THEM4: variants seen among roughly 807,000 people sequenced by gnomAD.
THEM4 encodes thioesterase superfamily member 4.
Under a neutral mutation model 25.0 loss-of-function variants are expected in THEM4, and 22 were observed. The ratio of observed to expected loss-of-function variants is 0.88; its 90% confidence interval spans 0.63 to 1.26. THEM4 has a LOEUF of 1.26. THEM4 is among the 50% of genes most tolerant of loss of function. The pLI, the probability that THEM4 is intolerant of heterozygous loss-of-function variation, is 0.00. For synonymous variants in THEM4, 113 were observed against 105.6 expected (o/e 1.07, Z -0.43); for missense variants, 286 against 300.3 (o/e 0.95, Z 0.35).
At position 151,874,695 on chromosome 1, in the gene THEM4, G is replaced by T; in HGVS notation, c.*193C>A. The T allele has an allele frequency of 1.5e-6, 1 of 656,646 alleles. No individual in the cohort carries two copies. Among genetic ancestry groups the T allele is most frequent in the Non-Finnish European group, 2.7e-6 (1 of 367,578 alleles). 40.7% of individuals were successfully genotyped at this position (656,646 alleles called of 1,614,324 possible). ...TGGCCCGAGAGTTGTCGATATGCTC[G>T]CAGGAAGTATTTCTGTGTTAAAAAG... On this transcript the variant is annotated 3_prime_UTR_variant, in exon 6 of 6. Transcript: ENST00000368814.
At chr1:151,877,427 G>A (rs761440142) in intron 4 of THEM4, among the ~76,000 whole-genome samples, 5 of 152,176 alleles carry the variant, frequency 3.3e-5, no homozygotes, top group Non-Finnish European at 7.3e-5. Flanking sequence ...TATCCCATCT[G>A]GAGATCCACT....
At chr1:151,878,272 T>C (rs1312365229) in intron 4 of THEM4, among the ~76,000 whole-genome samples, 2 of 152,200 alleles carry the variant, frequency 1.3e-5, no homozygotes, top group African/African-American at 4.8e-5. Flanking sequence ...TGACTGGCAT[T>C]GAATAATGAT....
chr1:151,902,521 A>G (rs770971057), intron 1 of THEM4, among the ~76,000 whole-genome samples: 2 of 152,216 alleles, frequency 1.3e-5, no homozygotes, highest in African/African-American at 2.4e-5. Context: ...GGGATAAGGG[A>G]TAAAAGACTA....
chr1:151,893,702 T>C (rs1176762845), intron 2 of THEM4, among the ~76,000 whole-genome samples: 1 of 151,820 alleles, frequency 6.6e-6, no homozygotes, highest in African/African-American at 2.4e-5. Context: ...CTTAGTGAGA[T>C]AGGAAGCGAG....
chr1:151,895,522 GCA>G (rs1654203795), intron 1 of THEM4, among the ~76,000 whole-genome samples: 1 of 152,248 alleles, frequency 6.6e-6, no homozygotes, highest in East Asian at 1.9e-4. Context: ...TTAAGAACAG[GCA>G]TTATCTTCCA....
At chr1:151,881,440 C>T (rs1378897519) in intron 4 of THEM4, among the ~76,000 whole-genome samples, 2 of 152,192 alleles carry the variant, frequency 1.3e-5, no homozygotes, top group African/African-American at 2.4e-5. Flanking sequence ...CATCCTCCCA[C>T]CTGTTGGGAT....
At chr1:151,902,587 T>G (rs1477090725) in intron 1 of THEM4, among the ~76,000 whole-genome samples, 5 of 152,054 alleles carry the variant, frequency 3.3e-5, no homozygotes, top group African/African-American at 1.2e-4. Context: ...ATCTCACAAA[T>G]CACTAGTGTA....
intron 2 of THEM4, among the ~76,000 whole-genome samples, chr1:151,893,438 G>C (rs918138374): frequency 6.6e-6 from 1 of 151,278 alleles, no homozygotes; most frequent in African/African-American, 2.4e-5. Flanking sequence ...GAGAGAGAGA[G>C]AGAGAGACTG....
At chr1:151,881,332 C>A (rs1653808054) in intron 4 of THEM4, among the ~76,000 whole-genome samples, 1 of 152,106 alleles carries the variant, frequency 6.6e-6, no homozygotes, top group East Asian at 1.9e-4. Flanking sequence ...TGCAACACAC[C>A]AATCCTCAGA....
rs147007922 is a variant in THEM4 at position 151,871,267 on chromosome 1, T to C, written c.*3621A>G. Among the ~76,000 whole-genome samples, 245 of 148,270 alleles carry C rather than the reference T, an allele frequency of 1.7e-3. 1 individual carries two copies. Among genetic ancestry groups the C allele is most frequent in the African/African-American group, 5.7e-3 (229 of 40,190 alleles). On this transcript the variant is annotated 3_prime_UTR_variant, in exon 6 of 6. Coordinates refer to ENST00000368814, the MANE Select transcript of THEM4 (RefSeq NM_053055.5). ...TTGAACCTGGGAGGTGGAGGTTGCA[T>C]TGAGCTGAGATTGTGTCTCTGCATT... is the stretch of plus-strand genomic sequence containing the variant.
chr1:151,897,824 TGGA>T (rs1654257974), intron 1 of THEM4, among the ~76,000 whole-genome samples: 1 of 152,114 alleles, frequency 6.6e-6, no homozygotes, highest in Admixed American at 6.6e-5. Flanking sequence ...ACACCCCTAC[TGGA>T]GAAGCTGGTC....
Position 151,874,946 on chromosome 1 carries a change from C to T in THEM4, c.683-18G>A, listed in dbSNP as rs1222674036. 1 of 1,605,476 alleles carries T rather than the reference C, an allele frequency of 6.2e-7. No homozygotes were observed. Among genetic ancestry groups the T allele is most frequent in the South Asian group, 1.1e-5 (1 of 90,888 alleles). Reference sequence around the variant, plus strand: ...AAATAAGCCTAAACAAACAAAATAACAGCAGATGATTATATGTCAACTGAC... The same window carrying T: ...AAATAAGCCTAAACAAACAAAATAATAGCAGATGATTATATGTCAACTGAC... On this transcript the variant is annotated intron_variant, in intron 5 of 5. Transcript: ENST00000368814.
chr1:151,898,922 A>C (rs1654282915), intron 1 of THEM4, among the ~76,000 whole-genome samples: 1 of 152,248 alleles, frequency 6.6e-6, no homozygotes, highest in Non-Finnish European at 1.5e-5. Flanking sequence ...GTGGAACACA[A>C]AAATCTGAAC....
chr1:151,895,138 G>C lies in THEM4; in HGVS notation c.156C>G (p.Ser52Arg), dbSNP rs1349474960. 2 of 1,614,082 alleles carry C rather than the reference G, an allele frequency of 1.2e-6. No individual in the cohort carries two copies. The highest frequency in any genetic ancestry group is 2.2e-5 in the East Asian group (1 of 44,870). The stretch of plus-strand genomic sequence containing the variant: ...AGAGCAGTCTTAGGTCCTTGTTCCA[G>C]CTGGGGTTGGGGACAGAACAGTCCT... ...ILKDCSVPNPSWNKDLRLLFD... is the reference protein window; with the variant it reads ...ILKDCSVPNPRWNKDLRLLFD... Residue 52 changes from serine (S) to arginine (R), a missense_variant, in exon 2 of 6, where the codon AGC becomes AGG. Coordinates refer to ENST00000368814, the MANE Select transcript of THEM4 (RefSeq NM_053055.5).
intron 4 of THEM4, among the ~76,000 whole-genome samples, chr1:151,884,412 G>A (rs529231218): frequency 3.9e-5 from 6 of 152,268 alleles, no homozygotes; most frequent in Admixed American, 3.9e-4. Flanking sequence ...TCTTACATCA[G>A]TCAGGTATCA....
intron 1 of THEM4, among the ~76,000 whole-genome samples, chr1:151,899,994 C>T (rs1356514503): frequency 6.6e-6 from 1 of 152,154 alleles, no homozygotes; most frequent in Admixed American, 6.5e-5. Context: ...GGATTGGGGC[C>T]CTATCTTCAG....
In THEM4 at chr1:151,909,365, C is replaced by G; in HGVS notation, c.94G>C (p.Glu32Gln). Residue 32 changes from glutamate (E) to glutamine (Q), a missense_variant, in exon 1 of 6, where the codon GAG (glutamate) becomes CAG (glutamine). Glu to Gln is a conservative substitution (Grantham distance 29). Coordinates refer to ENST00000368814, the MANE Select transcript of THEM4 (RefSeq NM_053055.5). ...CCGAGGGTGCCCAGACTCACCAGCT[C>G]GGGTCGCGGCTCGCTTCCCGGCAGG... ...RRLPGSEPRP[E>Q]LRSFSSEEVI... The G allele has an allele frequency of 6.6e-7, 1 of 1,510,678 alleles. No homozygotes were observed. Among genetic ancestry groups the G allele is most frequent in the Non-Finnish European group, 8.8e-7 (1 of 1,135,314 alleles). The allele number at this position is 1,510,678 out of a possible 1,614,324, so 93.6% of individuals were successfully genotyped here.
chr1:151,905,854 G>T (rs550517955), intron 1 of THEM4, among the ~76,000 whole-genome samples: 1 of 152,234 alleles, frequency 6.6e-6, no homozygotes, highest in African/African-American at 2.4e-5. Context: ...GGCTGCGGCC[G>T]TCTGGGCACC....
chr1:151,891,673 G>A (rs1437015834), intron 2 of THEM4, among the ~76,000 whole-genome samples: 1 of 152,212 alleles, frequency 6.6e-6, no homozygotes, highest in Non-Finnish European at 1.5e-5. Flanking sequence ...TGCATTTGGA[G>A]GCTGTGTACT....
Sources: gnomAD v4.1 joint callset for allele counts (sites outside exome capture counted in the v4.1 genomes callset) on GRCh38, gnomAD v4.1.1 for gene constraint, MANE v1.5 for transcripts, NCBI Gene and HGNC (gene_info 2026-07-23, HGNC 2026-07-21) for gene names.